The following BRCC3 variants were observed in gnomAD, a reference collection of about 807,000 sequenced individuals.
The protein encoded by BRCC3 is lys-63-specific deubiquitinase BRCC36.
Under a neutral mutation model 28.0 loss-of-function variants are expected in BRCC3, and 15 were observed. The observed-to-expected ratio is 0.54, with a 90% CI of 0.36 to 0.82. The LOEUF (loss-of-function observed/expected upper bound fraction) is 0.82. BRCC3 is among the 40% of genes least tolerant of loss of function. The probability of loss-of-function intolerance (pLI) is 0.01; values close to 1 mark genes in which losing one functional copy is unlikely to be tolerated. For synonymous variants in BRCC3, 66 were observed against 80.3 expected (o/e 0.82, Z 0.95); for missense variants, 109 against 225.9 (o/e 0.48, Z 3.32).
At chrX:155,116,305 G>A (rs1371515878) in intron 8 of BRCC3, 117 bp downstream of exon 8, 24 of 681,463 alleles carry the variant, frequency 3.5e-5, no homozygotes, top group Admixed American at 2.9e-4. Flanking sequence ...TGCCTCTCTG[G>A]GAAGCTTTCT....
At chrX:155,072,435 G>C in intron 2 of BRCC3, 92 bp downstream of exon 2, 1 of 709,182 alleles carries the variant, frequency 1.4e-6, no homozygotes, top group Admixed American at 2.8e-5. Flanking sequence ...TGTCCGGATC[G>C]TGTCTTAAAT....
intron 3 of BRCC3, 74 bp downstream of exon 3, chrX:155,073,505 C>G: frequency 9.3e-7 from 1 of 1,070,130 alleles, no homozygotes. Context: ...TGATCTCAGC[C>G]AGAGTATGCG....
At chrX:155,111,935 A>G in intron 7 of BRCC3, among the ~76,000 whole-genome samples, 1 of 111,668 alleles carries the variant, frequency 9.0e-6, no homozygotes, top group Non-Finnish European at 1.9e-5. Context: ...ACTGACCCCT[A>G]TTACACCATG....
intron 3 of BRCC3, among the ~76,000 whole-genome samples, chrX:155,075,330 C>CCTTCTTGT (rs2074029530): frequency 9.0e-6 from 1 of 111,164 alleles, no homozygotes; most frequent in Non-Finnish European, 1.9e-5. Context: ...TAAATGTGGC[C>CCTTCTTGT]ACTCCCCTTG....
At chrX:155,089,021 C>T (rs1157751739) in intron 5 of BRCC3, among the ~76,000 whole-genome samples, 1 of 111,886 alleles carries the variant, frequency 8.9e-6, no homozygotes, top group Non-Finnish European at 1.9e-5. Context: ...GCTAGGCAGG[C>T]TAGAGTTATT....
At chrX:155,077,131 G>A (rs2074050852) in intron 3 of BRCC3, 39 bp from the exon 4 acceptor site, 1 of 1,118,671 alleles carries the variant, frequency 8.9e-7, no homozygotes, top group Non-Finnish European at 1.2e-6. Flanking sequence ...TGTTATTGGA[G>A]AGAGCTGTAA....
chrX:155,099,145 A>T (rs1188681431), intron 7 of BRCC3, among the ~76,000 whole-genome samples: 1 of 109,006 alleles, frequency 9.2e-6, no homozygotes, highest in Non-Finnish European at 1.9e-5. Flanking sequence ...AGCAGCATAT[A>T]TTAGAAAAAA....
intron 5 of BRCC3, among the ~76,000 whole-genome samples, chrX:155,087,593 G>GGGTAA (rs2074142277): frequency 8.9e-6 from 1 of 111,760 alleles, no homozygotes; most frequent in African/African-American, 3.3e-5. Context: ...ATCCCCCAAA[G>GGGTAA]GGTAAGGGTA....
intron 5 of BRCC3, among the ~76,000 whole-genome samples, chrX:155,085,885 T>TCATTCAGGTA (rs1557294763): frequency 8.1e-5 from 9 of 111,736 alleles, no homozygotes; most frequent in African/African-American, 2.9e-4. Context: ...CCCCCAGGAC[T>TCATTCAGGTA]GCTTTGCCAT....
chrX:155,086,146 G>T (rs1461570445), intron 5 of BRCC3, among the ~76,000 whole-genome samples: 3 of 111,536 alleles, frequency 2.7e-5, no homozygotes, highest in Non-Finnish European at 5.6e-5. Flanking sequence ...TCTGTCCAGT[G>T]CTGGCTGACG....
At chrX:155,106,590 A>G (rs2074286151) in intron 7 of BRCC3, among the ~76,000 whole-genome samples, 1 of 112,720 alleles carries the variant, frequency 8.9e-6, no homozygotes, top group Non-Finnish European at 1.9e-5. Flanking sequence ...TTCATTAAGA[A>G]AGATTCTGTA....
intron 6 of BRCC3, 45 bp downstream of exon 6, chrX:155,089,396 C>T: frequency 1.2e-6 from 1 of 828,604 alleles, no homozygotes. Flanking sequence ...TGTGTAGGGT[C>T]TGTGTGTGTG....
At chrX:155,082,738 C>T (rs782417130) in intron 5 of BRCC3, among the ~76,000 whole-genome samples, 38 of 112,225 alleles carry the variant, frequency 3.4e-4, no homozygotes, top group African/African-American at 1.1e-3. Flanking sequence ...TTAATAAATA[C>T]GATCATATTG....
At chrX:155,101,160 A>T (rs781884436) in intron 7 of BRCC3, among the ~76,000 whole-genome samples, 1 of 111,637 alleles carries the variant, frequency 9.0e-6, no homozygotes, top group East Asian at 2.8e-4. Flanking sequence ...CAGCCTCCCA[A>T]AGTACTGGGA....
chrX:155,084,743 G>A (rs1290435417), intron 5 of BRCC3, among the ~76,000 whole-genome samples: 2 of 111,731 alleles, frequency 1.8e-5, no homozygotes, highest in South Asian at 7.4e-4. Context: ...GGCTGAGGTG[G>A]GATGATTGCT....
At chrX:155,106,240 C>G (rs1268114529) in intron 7 of BRCC3, among the ~76,000 whole-genome samples, 1 of 111,795 alleles carries the variant, frequency 8.9e-6, no homozygotes, top group Non-Finnish European at 1.9e-5. Flanking sequence ...TATTCTTAAG[C>G]ATTTAACTTC....
chrX:155,084,559 T>G (rs782411609), intron 5 of BRCC3, among the ~76,000 whole-genome samples: 155 of 111,775 alleles, frequency 1.4e-3, no homozygotes, highest in Admixed American at 6.0e-3. Context: ...GAGATGGGGT[T>G]TCACTGTGTT....
At chrX:155,104,539 G>A (rs1186491175) in intron 7 of BRCC3, among the ~76,000 whole-genome samples, 1 of 112,274 alleles carries the variant, frequency 8.9e-6, no homozygotes, top group Non-Finnish European at 1.9e-5. Context: ...ATACTTTGGA[G>A]TTCACTGGAG....
At chrX:155,089,220 C>T (rs1219876940) in intron 5 of BRCC3, 43 bp from the exon 6 acceptor site, 3 of 917,908 alleles carry the variant, frequency 3.3e-6, no homozygotes, top group African/African-American at 4.0e-5. Context: ...CTGTGAGACA[C>T]AGCTTATTGA....
Sources: gnomAD v4.1 joint callset for allele counts (sites outside exome capture counted in the v4.1 genomes callset) on GRCh38, gnomAD v4.1.1 for gene constraint, MANE v1.5 for transcripts, NCBI Gene and HGNC (gene_info 2026-07-23, HGNC 2026-07-21) for gene names.